The following LRRC4C variants were observed in gnomAD, a reference collection of about 807,000 sequenced individuals.
LRRC4C encodes the protein leucine-rich repeat-containing protein 4C.
In LRRC4C, 5 loss-of-function variants were observed where a neutral mutation model predicts 33.6. The ratio of observed to expected loss-of-function variants is 0.15; its 90% CI spans 0.08 to 0.31. The LOEUF is 0.31. LRRC4C is among the 10% of genes least tolerant of loss of function. LRRC4C has a pLI of 1.00. For synonymous variants in LRRC4C, 329 were observed against 302.0 expected, an observed-to-expected ratio of 1.09 and a Z score of -0.93; for missense variants, 560 against 796.7, an observed-to-expected ratio of 0.70 and a Z score of 3.58.
At chr11:41,088,350 T>A (rs1031879259) in intron 1 of LRRC4C, among the ~76,000 whole-genome samples, 1 of 152,140 alleles carries the variant, frequency 6.6e-6, no homozygotes, top group African/African-American at 2.4e-5. Flanking sequence ...TTTGATTTTT[T>A]AAGAAAATAT....
At chr11:41,039,347 A>G (rs936064094) in intron 1 of LRRC4C, among the ~76,000 whole-genome samples, 2 of 152,200 alleles carry the variant, frequency 1.3e-5, no homozygotes, top group Admixed American at 6.5e-5. Flanking sequence ...TTTTGTGTAC[A>G]AAGTATTAAC....
intron 3 of LRRC4C, among the ~76,000 whole-genome samples, chr11:40,566,353 G>A (rs1438015756): frequency 6.6e-6 from 1 of 151,770 alleles, no homozygotes; most frequent in South Asian, 2.1e-4. Context: ...AATTTTGAAC[G>A]ATGAACGTTG....
intron 1 of LRRC4C, among the ~76,000 whole-genome samples, chr11:41,267,588 A>G (rs1014869959): frequency 1.3e-5 from 2 of 152,170 alleles, no homozygotes; most frequent in Admixed American, 6.6e-5. Flanking sequence ...TAACAGCTCT[A>G]CGCTTAGAAT....
intron 3 of LRRC4C, among the ~76,000 whole-genome samples, chr11:40,403,705 G>GT: frequency 6.6e-6 from 1 of 152,178 alleles, no homozygotes; most frequent in East Asian, 1.9e-4. Context: ...CTTCAAAATG[G>GT]TTTTTTGTTT....
At chr11:40,194,171 T>C (rs942600216) in intron 5 of LRRC4C, among the ~76,000 whole-genome samples, 4 of 152,074 alleles carry the variant, frequency 2.6e-5, no homozygotes, top group African/African-American at 9.7e-5. Context: ...TCTCTACGGT[T>C]GAAATGAAGG....
At chr11:41,205,335 T>C (rs1326073099) in intron 1 of LRRC4C, among the ~76,000 whole-genome samples, 1 of 152,208 alleles carries the variant, frequency 6.6e-6, no homozygotes, top group Admixed American at 6.5e-5. Context: ...GATTATTGCA[T>C]GGAGAATGTG....
chr11:41,314,957 A>G (rs1281068579), intron 1 of LRRC4C, among the ~76,000 whole-genome samples: 2 of 152,204 alleles, frequency 1.3e-5, no homozygotes, highest in African/African-American at 2.4e-5. Context: ...ACAATTTGCC[A>G]TAACTGGACT....
intron 2 of LRRC4C, among the ~76,000 whole-genome samples, chr11:40,822,658 G>C (rs1211811234): frequency 6.6e-6 from 1 of 151,642 alleles, no homozygotes; most frequent in Non-Finnish European, 1.5e-5. Flanking sequence ...TTTCTTTGCT[G>C]TGCAGAAGCT....
intron 2 of LRRC4C, among the ~76,000 whole-genome samples, chr11:40,903,749 A>G (rs1471832933): frequency 6.6e-6 from 1 of 152,192 alleles, no homozygotes; most frequent in Non-Finnish European, 1.5e-5. Context: ...TACAGTTGCA[A>G]CAGGGTAACT....
Position 40,462,832 on chromosome 11 carries a change from C to G in LRRC4C, c.-269-143111G>C, listed in dbSNP as rs1449428478. Among the ~76,000 whole-genome samples, 7 of 152,000 alleles carry G rather than the reference C, an allele frequency of 4.6e-5. 1 individual carries two copies. In the East Asian group the frequency reaches 7.7e-4, roughly 17 times the overall value. Reference sequence around the variant, plus strand: ...CATCTCTTTTTTATCCCATCATTTTCATCATCTAAACCTCCTTAGGTTTTA... The same window carrying G: ...CATCTCTTTTTTATCCCATCATTTTGATCATCTAAACCTCCTTAGGTTTTA... On this transcript the variant is annotated intron_variant, in intron 3 of 6. Transcript: ENST00000528697.
At chr11:40,927,864 G>A (rs1213503379) in intron 2 of LRRC4C, among the ~76,000 whole-genome samples, 1 of 152,094 alleles carries the variant, frequency 6.6e-6, no homozygotes, top group African/African-American at 2.4e-5. Flanking sequence ...TGAATTACTG[G>A]GGAGAGGTAT....
At chr11:41,418,646 A>G (rs1264055813) in intron 1 of LRRC4C, among the ~76,000 whole-genome samples, 1 of 152,066 alleles carries the variant, frequency 6.6e-6, no homozygotes, top group Non-Finnish European at 1.5e-5. Flanking sequence ...TATCACAAAC[A>G]TATGATAATA....
chr11:41,375,231 T>A (rs1364559353), intron 1 of LRRC4C, among the ~76,000 whole-genome samples: 1 of 151,990 alleles, frequency 6.6e-6, no homozygotes, highest in Admixed American at 6.6e-5. Flanking sequence ...ATTATTATTA[T>A]TATATATATT....
At chr11:40,850,404 G>T (rs1420495815) in intron 2 of LRRC4C, among the ~76,000 whole-genome samples, 1 of 152,098 alleles carries the variant, frequency 6.6e-6, no homozygotes, top group Non-Finnish European at 1.5e-5. Context: ...TCTTCTGTAG[G>T]TCTGCTGGAG....
intron 3 of LRRC4C, among the ~76,000 whole-genome samples, chr11:40,500,881 A>G (rs1031779848): frequency 6.6e-6 from 1 of 152,152 alleles, no homozygotes; most frequent in African/African-American, 2.4e-5. Flanking sequence ...AAAAGTTCAC[A>G]GTCCAAAGTC....
chr11:41,165,738 C>T (rs375882694), intron 1 of LRRC4C, among the ~76,000 whole-genome samples: 18 of 151,990 alleles, frequency 1.2e-4, no homozygotes, highest in Non-Finnish European at 2.1e-4. Context: ...TTTGTAAAAA[C>T]TTAAAAAGGG....
At position 40,400,179 on chromosome 11, in the gene LRRC4C, C is replaced by G. The variant is rs572418335; in HGVS notation, c.-269-80458G>C. Among the ~76,000 whole-genome samples, 65 of 152,180 alleles carry G rather than the reference C, an allele frequency of 4.3e-4. 1 individual carries two copies. Among genetic ancestry groups the G allele is most frequent in the Non-Finnish European group, 4.9e-4 (33 of 67,988 alleles). Reference sequence around the variant, plus strand: ...ATAGTAGACTACTCAGCACCTTTCACCCATACTCACTATCCATGGCACACA... The same window carrying G: ...ATAGTAGACTACTCAGCACCTTTCAGCCATACTCACTATCCATGGCACACA... On this transcript the variant is annotated intron_variant, in intron 3 of 6. Coordinates refer to ENST00000528697, the MANE Select transcript of LRRC4C (RefSeq NM_001258419.2).
chr11:40,465,166 G>T (rs1053995384), intron 3 of LRRC4C, among the ~76,000 whole-genome samples: 1 of 151,798 alleles, frequency 6.6e-6, no homozygotes, highest in East Asian at 1.9e-4. Context: ...CATACCTATA[G>T]ACAACCAATC....
intron 1 of LRRC4C, among the ~76,000 whole-genome samples, chr11:41,306,975 A>G (rs531302369): frequency 6.6e-6 from 1 of 152,346 alleles, no homozygotes; most frequent in East Asian, 1.9e-4. Flanking sequence ...GGCATCCCAG[A>G]CCATCAAATC....
Sources: gnomAD v4.1 joint callset for allele counts (sites outside exome capture counted in the v4.1 genomes callset) on GRCh38, gnomAD v4.1.1 for gene constraint, MANE v1.5 for transcripts, NCBI Gene and HGNC (gene_info 2026-07-23, HGNC 2026-07-21) for gene names.